The following GPLD1 variants were observed in gnomAD, a reference collection of about 807,000 sequenced individuals.
GPLD1 encodes glycosylphosphatidylinositol specific phospholipase D1.
Under a neutral mutation model 112.6 loss-of-function variants are expected in GPLD1, and 84 were observed. That is an observed-to-expected ratio of 0.75 (90% CI 0.63 to 0.89). The LOEUF (loss-of-function observed/expected upper bound fraction) is 0.89, where lower values mean the gene tolerates loss of function less well. GPLD1 is among the 40% of genes least tolerant of loss of function. GPLD1 has a pLI of 0.00. For synonymous variants in GPLD1, 386 were observed against 403.8 expected (o/e 0.96, Z 0.53); for missense variants, 1,044 against 1,051.5 (o/e 0.99, Z 0.10).
intron 21 of GPLD1, 21 bp downstream of exon 21, chr6:24,437,092 A>G (rs764125536): frequency 6.2e-7 from 1 of 1,608,016 alleles, no homozygotes; most frequent in Admixed American, 1.7e-5. Flanking sequence ...TTCTTGTCAA[A>G]GGGTCCTGTT....
rs1062521 is a variant in GPLD1, at chr6:24,436,660, T to C, written c.2274A>G (p.Val758=). 2 of 1,613,996 alleles carry C rather than the reference T, an allele frequency of 1.2e-6. No homozygotes were observed. The highest frequency in any genetic ancestry group is 1.3e-5 in the African/African-American group (1 of 75,046). Residue 758 remains valine (V), a synonymous_variant, in exon 22 of 25, where the codon GTA becomes GTG. Transcript: ENST00000230036. ...TGGTCTCTTTGCCATTATATACATATACTCGGCCGTCTTCTCCCCCAATCA... is the reference window on the plus strand; with the variant it reads ...TGGTCTCTTTGCCATTATATACATACACTCGGCCGTCTTCTCCCCCAATCA... ...SGLIGGEDGR[V]YVYNGKETTL...
chr6:24,470,079 T>C (rs1248158865), intron 7 of GPLD1, among the ~76,000 whole-genome samples: 1 of 151,658 alleles, frequency 6.6e-6, no homozygotes, highest in Non-Finnish European at 1.5e-5. Context: ...GCTTTTGCCC[T>C]GAGAACGTGT....
chr6:24,466,991 A>G (rs1475128274), intron 8 of GPLD1, 52 bp from the exon 9 acceptor site: 1 of 1,483,694 alleles, frequency 6.7e-7, no homozygotes, highest in Non-Finnish European at 9.4e-7. Flanking sequence ...TAACAGAGAA[A>G]TGAAGCAAAT....
chr6:24,490,624 T>C (rs1037121635), upstream of GPLD1, among the ~76,000 whole-genome samples: 2 of 151,862 alleles, frequency 1.3e-5, no homozygotes, highest in Admixed American at 1.3e-4. Context: ...TGGTGGCACG[T>C]GACTGTAGTC....
At position 24,454,213 on chromosome 6, in the gene GPLD1, G is replaced by GA; in HGVS notation, c.1149-13dup. ...CTGAGGTCATTGCCCTTAGGGAAGT[G>GA]AAGGGACCCACCATGGTATGCACTG... On this transcript the variant is annotated splice_polypyrimidine_tract_variant and intron_variant, in intron 13 of 24. Transcript: ENST00000230036. 8 of 1,600,584 alleles carry GA rather than the reference G, an allele frequency of 5.0e-6. No homozygotes were observed. The highest frequency in any genetic ancestry group is 6.8e-6 in the Non-Finnish European group (8 of 1,172,126).
intron 24 of GPLD1, among the ~76,000 whole-genome samples, chr6:24,431,005 G>T (rs967912187): frequency 2.0e-5 from 3 of 151,996 alleles, no homozygotes; most frequent in African/African-American, 7.3e-5. Flanking sequence ...TAATACATGG[G>T]TTCTTGACAA....
upstream of GPLD1, among the ~76,000 whole-genome samples, chr6:24,494,555 A>C (rs551435191): frequency 7.2e-5 from 11 of 152,318 alleles, no homozygotes; most frequent in South Asian, 8.3e-4. Context: ...GCACCAGCGC[A>C]TCTATGGACC....
At chr6:24,466,482 C>A (rs1055008240) in intron 10 of GPLD1, among the ~76,000 whole-genome samples, 198 bp downstream of exon 10, 13 of 152,310 alleles carry the variant, frequency 8.5e-5, no homozygotes, top group South Asian at 2.1e-4. Flanking sequence ...ATCAACCAAG[C>A]CAACTGGATG....
At chr6:24,435,238 T>C (rs1001260468) in intron 22 of GPLD1, among the ~76,000 whole-genome samples, 115 of 151,816 alleles carry the variant, frequency 7.6e-4, no homozygotes, top group African/African-American at 2.2e-3. Flanking sequence ...GTCTCGATCT[T>C]CTGACCTTGT....
chr6:24,433,436 T>G, intron 22 of GPLD1, 47 bp from the exon 23 acceptor site: 1 of 1,391,850 alleles, frequency 7.2e-7, no homozygotes, highest in South Asian at 1.2e-5. Context: ...ACTGTTTGTG[T>G]GGCTTTTTAA....
chr6:24,476,382 T>C (rs1581780559), intron 3 of GPLD1, 104 bp from the exon 4 acceptor site: 1 of 647,504 alleles, frequency 1.5e-6, no homozygotes, highest in Non-Finnish European at 2.8e-6. Context: ...TTCTCCTCCT[T>C]CCCTCCATGC....
intron 22 of GPLD1, among the ~76,000 whole-genome samples, chr6:24,435,290 C>T (rs193029879): frequency 1.1e-3 from 163 of 152,184 alleles, no homozygotes; most frequent in Middle Eastern, 3.4e-3. Context: ...GGATTACAGG[C>T]GTGAGCCACT....
At chr6:24,434,413 A>AAAATTATGCAC (rs1762504469) in intron 22 of GPLD1, among the ~76,000 whole-genome samples, 1 of 151,686 alleles carries the variant, frequency 6.6e-6, no homozygotes, top group Non-Finnish European at 1.5e-5. Flanking sequence ...AAAAAGTTAC[A>AAAATTATGCAC]AAATTATGCA....
At chr6:24,452,148 C>A (rs971218437) in intron 14 of GPLD1, among the ~76,000 whole-genome samples, 3 of 152,192 alleles carry the variant, frequency 2.0e-5, no homozygotes, top group Non-Finnish European at 2.9e-5. Flanking sequence ...GGCATGGAGC[C>A]ACTTCCTTTC....
At chr6:24,453,975 TACTAACC>T in intron 14 of GPLD1, 33 bp downstream of exon 14, 1 of 1,322,198 alleles carries the variant, frequency 7.6e-7, no homozygotes, top group Non-Finnish European at 1.1e-6. Context: ...CAAGAGTAGC[TACTAACC>T]ACTAGAAGAG....
intron 7 of GPLD1, among the ~76,000 whole-genome samples, chr6:24,471,577 A>T (rs1306755467): frequency 6.6e-6 from 1 of 152,248 alleles, no homozygotes; most frequent in East Asian, 1.9e-4. Flanking sequence ...CTCCAGAGGA[A>T]AAAATAAAAT....
chr6:24,481,441 A>G (rs986007586), intron 2 of GPLD1, among the ~76,000 whole-genome samples: 2 of 151,942 alleles, frequency 1.3e-5, no homozygotes, highest in East Asian at 1.9e-4. Context: ...AAAGAAAGAT[A>G]GTATCATCTG....
chr6:24,452,600 A>C (rs766402790), intron 14 of GPLD1, among the ~76,000 whole-genome samples: 1 of 152,004 alleles, frequency 6.6e-6, no homozygotes, highest in African/African-American at 2.4e-5. Flanking sequence ...ATATGGTGAA[A>C]CCCCGTCTCT....
In GPLD1 at chr6:24,432,237, G is replaced by A. The variant is rs114028602; in HGVS notation, c.2436+950C>T. On this transcript the variant is annotated intron_variant, in intron 24 of 24. Coordinates refer to ENST00000230036, the MANE Select transcript of GPLD1 (RefSeq NM_001503.4). ...ACTCCGGCCTAGGTGACAAGAGCCAGACTCTGTCTTAAAAAAAAAAAAAAA... is the reference window on the plus strand; with the variant it reads ...ACTCCGGCCTAGGTGACAAGAGCCAAACTCTGTCTTAAAAAAAAAAAAAAA... Among the ~76,000 whole-genome samples the A allele has an allele frequency of 7.7e-3, 919 of 119,162 alleles. 14 individuals are homozygous for A. The highest frequency in any genetic ancestry group is 0.028 in the African/African-American group (814 of 29,210). The allele number at this position is 119,162 out of a possible 152,430, so 78.2% of individuals were successfully genotyped here.
Sources: allele counts gnomAD v4.1 joint callset (sites outside exome capture counted in the v4.1 genomes callset), GRCh38; gene constraint gnomAD v4.1.1; transcripts MANE v1.5; gene names NCBI Gene and HGNC (gene_info 2026-07-23, HGNC 2026-07-21).